SPHKAP: variants seen among roughly 807,000 people sequenced by gnomAD.
The protein encoded by SPHKAP is A-kinase anchor protein SPHKAP.
SPHKAP carries 67 observed loss-of-function variants against 137.5 expected under a neutral mutation model. The ratio of observed to expected loss-of-function variants is 0.49; its 90% CI spans 0.40 to 0.60. SPHKAP has a LOEUF of 0.60. SPHKAP is among the 20% of genes least tolerant of loss of function. The pLI is 0.00. For synonymous variants in SPHKAP, 813 were observed against 785.3 expected (o/e 1.04, Z -0.59); for missense variants, 2,097 against 2,069.3 (o/e 1.01, Z -0.26).
intron 3 of SPHKAP, among the ~76,000 whole-genome samples, chr2:228,040,434 C>A (rs904255462): frequency 3.3e-5 from 5 of 152,164 alleles, no homozygotes; most frequent in South Asian, 2.1e-4. Context: ...TTATGCCACC[C>A]ATGCTGTGGA....
At chr2:228,166,878 AAG>A (rs1277065063) in intron 1 of SPHKAP, among the ~76,000 whole-genome samples, 2 of 152,142 alleles carry the variant, frequency 1.3e-5, no homozygotes, top group African/African-American at 4.8e-5. Flanking sequence ...TGCTTCCAGA[AAG>A]TTTTCTGGAA....
At chr2:228,134,205 C>G (rs4973617) in intron 1 of SPHKAP, among the ~76,000 whole-genome samples, 24 of 114,362 alleles carry the variant, frequency 2.1e-4, no homozygotes, top group African/African-American at 3.4e-4. Flanking sequence ...AGGGAGGGAG[C>G]GAGGAAGGAA....
chr2:228,056,690 AG>A, intron 3 of SPHKAP, among the ~76,000 whole-genome samples: 1 of 152,330 alleles, frequency 6.6e-6, no homozygotes, highest in Admixed American at 6.5e-5. Flanking sequence ...AGTCAATAAA[AG>A]CTTGTTTATA....
chr2:228,153,880 G>A (rs1700015136), intron 1 of SPHKAP, among the ~76,000 whole-genome samples: 2 of 152,056 alleles, frequency 1.3e-5, no homozygotes, highest in African/African-American at 2.4e-5. Context: ...AGAAAAATGT[G>A]GATAGCATAA....
At chr2:228,059,890 G>C (rs74513600) in intron 3 of SPHKAP, among the ~76,000 whole-genome samples, 1 of 152,100 alleles carries the variant, frequency 6.6e-6, no homozygotes, top group Admixed American at 6.6e-5. Context: ...ACAATTTATC[G>C]CGCTCTATGC....
chr2:228,008,975 C>G (rs1333377746), intron 7 of SPHKAP, among the ~76,000 whole-genome samples: 2 of 152,156 alleles, frequency 1.3e-5, no homozygotes, highest in African/African-American at 2.4e-5. Context: ...GGTCTCCATA[C>G]AAACTTTGGA....
At chr2:228,123,029 C>A (rs1206804107) in intron 2 of SPHKAP, among the ~76,000 whole-genome samples, 1 of 152,114 alleles carries the variant, frequency 6.6e-6, no homozygotes, top group Non-Finnish European at 1.5e-5. Flanking sequence ...AGGTATCTCA[C>A]CCAGGTTTCT....
At chr2:228,167,268 A>G (rs7557239) in intron 1 of SPHKAP, among the ~76,000 whole-genome samples, 4,657 of 152,202 alleles carry the variant, frequency 0.031, 221 homozygotes, top group African/African-American at 0.11. Context: ...CTAATTTTCT[A>G]TATTACCTGA....
At chr2:227,987,753 T>A (rs1693264717) in intron 11 of SPHKAP, among the ~76,000 whole-genome samples, 1 of 152,182 alleles carries the variant, frequency 6.6e-6, no homozygotes, top group Non-Finnish European at 1.5e-5. Context: ...ATGAGCTGTT[T>A]CATTATGAAT....
At chr2:228,105,666 G>A (rs942747912) in intron 3 of SPHKAP, among the ~76,000 whole-genome samples, 78 of 152,128 alleles carry the variant, frequency 5.1e-4, no homozygotes, top group African/African-American at 1.8e-3. Context: ...TTGAATCATG[G>A]GGGTGGTTTC....
chr2:228,058,384 C>T lies in SPHKAP; in HGVS notation c.247-30841G>A, dbSNP rs536780703. Among the ~76,000 whole-genome samples, 9 of 152,330 alleles carry T rather than the reference C, an allele frequency of 5.9e-5. No homozygotes were observed. The South Asian group carries it at 1.9e-3, about 32-fold the overall frequency. ...GCCATTATACCTGCATTATAACCCA[C>T]ATTATGCAATTGAATCCTCATCACT... On this transcript the variant is annotated intron_variant, in intron 3 of 11. Transcript: ENST00000392056.
intron 1 of SPHKAP, among the ~76,000 whole-genome samples, chr2:228,164,732 GC>G: frequency 6.6e-6 from 1 of 152,046 alleles, no homozygotes; most frequent in African/African-American, 2.4e-5. Flanking sequence ...TGTACTTCAG[GC>G]ACACACCTAG....
chr2:228,018,444 G>C lies in SPHKAP; in HGVS notation c.2410C>G (p.Leu804Val). The change falls in exon 7 of 12, where the codon CTC becomes GTC. Residue 804 changes from leucine to valine, a missense_variant. Transcript: ENST00000392056. ...KQDKGGVRPGLFKNPTLQSQL... is the reference protein window; with the variant it reads ...KQDKGGVRPGVFKNPTLQSQL... ...GACTGCAGCGTGGGGTTCTTGAAGAGGCCTGGCCTCACTCCACCCTTGTCT... is the reference window on the plus strand; with the variant it reads ...GACTGCAGCGTGGGGTTCTTGAAGACGCCTGGCCTCACTCCACCCTTGTCT... 3 of 1,614,060 alleles carry C rather than the reference G, an allele frequency of 1.9e-6. No individual in the cohort carries two copies. The highest frequency in any genetic ancestry group is 2.5e-6 in the Non-Finnish European group (3 of 1,179,942).
At chr2:228,170,948 C>G (rs1305945103) in intron 1 of SPHKAP, among the ~76,000 whole-genome samples, 1 of 152,018 alleles carries the variant, frequency 6.6e-6, no homozygotes, top group Non-Finnish European at 1.5e-5. Flanking sequence ...AATAAGAGGT[C>G]AATATCATGG....
chr2:227,983,126 A>C (rs1004183980), intron 11 of SPHKAP, among the ~76,000 whole-genome samples: 1 of 151,992 alleles, frequency 6.6e-6, no homozygotes, highest in Admixed American at 6.6e-5. Flanking sequence ...AATTATTATT[A>C]TTTTTTGGTA....
intron 7 of SPHKAP, among the ~76,000 whole-genome samples, chr2:228,004,129 A>T (rs1009848486): frequency 2.0e-5 from 3 of 152,190 alleles, no homozygotes; most frequent in Admixed American, 2.0e-4. Flanking sequence ...TAGTTTCAAA[A>T]AGATTGGTAC....
chr2:228,139,940 C>CTTTCTTTCTTTCTTTCTTTCTTTCTTT (rs1699549557), intron 1 of SPHKAP, among the ~76,000 whole-genome samples: 1 of 75,082 alleles, frequency 1.3e-5, no homozygotes, highest in Admixed American at 1.8e-4. Flanking sequence ...CTTTCTTTTT[C>CTTTCTTTCTTTCTTTCTTTCTTTCTTT]TTTTCTTTTT....
intron 1 of SPHKAP, among the ~76,000 whole-genome samples, chr2:228,158,348 C>T (rs1216469788): frequency 2.3e-5 from 2 of 88,136 alleles, no homozygotes; most frequent in Non-Finnish European, 4.6e-5. Context: ...TTTTTTAGCA[C>T]AGTCTATGTG....
At position 228,018,412 on chromosome 2, in the gene SPHKAP, T is replaced by C; in HGVS notation, c.2442A>G (p.Leu814=). 1.2e-6 allele frequency: 2 copies of C among 1,614,088 alleles called. No homozygotes were observed. Among genetic ancestry groups the C allele is most frequent in the South Asian group, 2.2e-5 (2 of 91,050 alleles). ...AATCGGGCACTCTGTGACTACGTGA[T>C]AATTGTGACTGCAGCGTGGGGTTCT... ...LFKNPTLQSQ[L]SRSHRVPDSS... Residue 814 remains leucine, a synonymous_variant, in exon 7 of 12, where the codon TTA becomes TTG. Coordinates refer to ENST00000392056, the MANE Select transcript of SPHKAP (RefSeq NM_001142644.2).
Sources: gnomAD v4.1 joint callset for allele counts (sites outside exome capture counted in the v4.1 genomes callset) on GRCh38, gnomAD v4.1.1 for gene constraint, MANE v1.5 for transcripts, NCBI Gene and HGNC (gene_info 2026-07-23, HGNC 2026-07-21) for gene names.